ABCA12: variants seen among roughly 807,000 people sequenced by gnomAD.
The protein encoded by ABCA12 is ATP binding cassette subfamily A member 12.
In ABCA12, 156 loss-of-function variants were observed where a neutral mutation model predicts 293.5. The observed-to-expected ratio is 0.53, with a 90% CI of 0.47 to 0.61. The LOEUF (loss-of-function observed/expected upper bound fraction) is 0.61, where lower values mean the gene tolerates loss of function less well. ABCA12 is among the 20% of genes least tolerant of loss of function. The pLI is 0.00. For missense variants in ABCA12, 2,797 were observed against 3,090.2 expected (o/e 0.91, Z 2.25); for synonymous variants, 1,063 against 1,108.0 (o/e 0.96, Z 0.81).
At chr2:215,035,118 G>A (rs1379582579) in intron 8 of ABCA12, among the ~76,000 whole-genome samples, 1 of 152,154 alleles carries the variant, frequency 6.6e-6, no homozygotes, top group Non-Finnish European at 1.5e-5. Flanking sequence ...ACAAGTTTAA[G>A]TTCCCTGAAA....
chr2:215,057,813 A>G (rs1701449637), intron 3 of ABCA12, among the ~76,000 whole-genome samples: 2 of 151,982 alleles, frequency 1.3e-5, no homozygotes, highest in African/African-American at 2.4e-5. Context: ...CCTGCTCTCC[A>G]TTGTTGCATA....
intron 1 of ABCA12, among the ~76,000 whole-genome samples, chr2:215,120,488 A>T (rs1333427671): frequency 6.6e-6 from 1 of 152,188 alleles, no homozygotes; most frequent in African/African-American, 2.4e-5. Context: ...AGTCTAAAAC[A>T]CGAAGGATGA....
At chr2:215,045,343 G>A (rs1270474440) in intron 7 of ABCA12, among the ~76,000 whole-genome samples, 1 of 152,124 alleles carries the variant, frequency 6.6e-6, no homozygotes, top group Non-Finnish European at 1.5e-5. Context: ...GGCTTGGAAA[G>A]GTCATTTCTA....
At chr2:215,050,308 A>G (rs1203913948) in intron 5 of ABCA12, among the ~76,000 whole-genome samples, 4 of 151,812 alleles carry the variant, frequency 2.6e-5, no homozygotes, top group African/African-American at 9.7e-5. Context: ...AGATTGCTTC[A>G]TTTGCAAAGC....
chr2:215,109,474 A>G (rs1232273787), intron 2 of ABCA12, among the ~76,000 whole-genome samples: 4 of 152,204 alleles, frequency 2.6e-5, no homozygotes, highest in Non-Finnish European at 5.9e-5. Flanking sequence ...AGAGACTAAC[A>G]AACATACTTT....
At chr2:215,130,121 C>T (rs1703021043) in intron 1 of ABCA12, among the ~76,000 whole-genome samples, 1 of 152,116 alleles carries the variant, frequency 6.6e-6, no homozygotes, top group Admixed American at 6.6e-5. Flanking sequence ...GTTTTAGTTA[C>T]CATAGCCTTG....
At chr2:214,954,843 C>G (rs1698893845) in intron 43 of ABCA12, among the ~76,000 whole-genome samples, 1 of 152,186 alleles carries the variant, frequency 6.6e-6, no homozygotes, top group South Asian at 2.1e-4. Context: ...TCAAAGCTCA[C>G]AGTCATATAA....
chr2:215,096,107 G>A (rs1336392555), intron 2 of ABCA12, among the ~76,000 whole-genome samples: 6 of 152,144 alleles, frequency 3.9e-5, no homozygotes, highest in Non-Finnish European at 8.8e-5. Flanking sequence ...TTAATCTTGG[G>A]CAAGTTACCT....
At chr2:215,048,328 C>T (rs1029943944) in intron 6 of ABCA12, among the ~76,000 whole-genome samples, 1 of 152,028 alleles carries the variant, frequency 6.6e-6, no homozygotes, top group Non-Finnish European at 1.5e-5. Flanking sequence ...ATATACCCAG[C>T]AGAATATAAA....
chr2:214,958,425 G>A lies in ABCA12; in HGVS notation c.5969C>T (p.Ala1990Val). The change falls in exon 41 of 53, where the codon GCA becomes GTA. Residue 1990 changes from alanine (A) to valine (V), a missense_variant. By Grantham distance (64) the Ala-to-Val change is moderately conservative. Coordinates refer to ENST00000272895, the MANE Select transcript of ABCA12 (RefSeq NM_173076.3). ...AGAGTAGCCCATCAAGATAGACAGT[G>A]CCACTAAAATATCGATTAAACTGCT... The part of the protein sequence containing the change: ...TISSLIDILV[A>V]LSILMGYSVT... 1 of 1,613,888 alleles carries A rather than the reference G, an allele frequency of 6.2e-7. No homozygotes were observed. Among genetic ancestry groups the A allele is most frequent in the Non-Finnish European group, 8.5e-7 (1 of 1,179,874 alleles).
chr2:215,136,631 A>G (rs1703234394), intron 1 of ABCA12, among the ~76,000 whole-genome samples: 1 of 152,156 alleles, frequency 6.6e-6, no homozygotes, highest in African/African-American at 2.4e-5. Flanking sequence ...TCTTCCTTTT[A>G]CCCACAGTAT....
intron 2 of ABCA12, among the ~76,000 whole-genome samples, chr2:215,098,054 G>A (rs1702283436): frequency 6.6e-6 from 1 of 152,134 alleles, no homozygotes; most frequent in Admixed American, 6.5e-5. Context: ...GTTTTCACAG[G>A]AGTTAGGTTC....
chr2:215,000,082 G>T (rs958091185), intron 22 of ABCA12, among the ~76,000 whole-genome samples: 18 of 152,250 alleles, frequency 1.2e-4, no homozygotes, highest in African/African-American at 4.1e-4. Context: ...TACCCAACTG[G>T]CAGATTTCTC....
At chr2:215,033,545 G>A (rs954014602) in intron 8 of ABCA12, among the ~76,000 whole-genome samples, 13 of 152,104 alleles carry the variant, frequency 8.5e-5, no homozygotes, top group African/African-American at 2.7e-4. Flanking sequence ...TATATTGAGA[G>A]AAATACTATA....
At chr2:214,933,026 T>TGTATTC (rs1170350421) in intron 52 of ABCA12, among the ~76,000 whole-genome samples, 1 of 152,176 alleles carries the variant, frequency 6.6e-6, no homozygotes, top group Non-Finnish European at 1.5e-5. Flanking sequence ...CATAGTTGAC[T>TGTATTC]ATCTGTAGCC....
chr2:215,033,738 G>A (rs892884159), intron 8 of ABCA12, among the ~76,000 whole-genome samples: 1 of 151,996 alleles, frequency 6.6e-6, no homozygotes, highest in Non-Finnish European at 1.5e-5. Flanking sequence ...TCAGGAGATC[G>A]AGATCATCCT....
intron 14 of ABCA12, among the ~76,000 whole-genome samples, chr2:215,016,004 C>T (rs1333208851): frequency 6.6e-6 from 1 of 151,598 alleles, no homozygotes; most frequent in African/African-American, 2.4e-5. Flanking sequence ...ATTAGCCGGG[C>T]GTGGTGGCGG....
chr2:214,986,590 T>G lies in ABCA12; in HGVS notation c.4115A>C (p.His1372Pro), dbSNP rs1159697608. The change falls in exon 28 of 53, where the codon CAT (histidine) becomes CCT (proline). Residue 1372 changes from histidine (H) to proline (P), a missense_variant. By Grantham distance (77) the His-to-Pro change is moderately conservative (BLOSUM62 -2). This residue lies in a region of ABCA12 where 2,130 missense variants were observed against 2,427.0 expected (regional missense o/e 0.88). Transcript: ENST00000272895. Reference sequence around the variant, plus strand: ...ATTGGGCCCCAGCAATGAAGTAATATGCCCTTCATAAAAGTTCAGATTGAG... The same window carrying G: ...ATTGGGCCCCAGCAATGAAGTAATAGGCCCTTCATAAAAGTTCAGATTGAG... Reference protein sequence around the residue: ...DNLNLNFYEGHITSLLGPNGA... With the variant: ...DNLNLNFYEGPITSLLGPNGA... The G allele has an allele frequency of 1.2e-6, 2 of 1,614,128 alleles. No individual in the cohort carries two copies. The highest frequency in any genetic ancestry group is 8.5e-7 in the Non-Finnish European group (1 of 1,179,994).
chr2:214,961,952 A>G (rs561624736), intron 39 of ABCA12: 3 of 152,336 alleles, frequency 2.0e-5, no homozygotes, highest in South Asian at 2.1e-4. Context: ...ATGATGCCCA[A>G]CAGTAGGAAG....
Sources: gnomAD v4.1 joint callset for allele counts (sites outside exome capture counted in the v4.1 genomes callset) on GRCh38, gnomAD v4.1.1 for gene constraint, gnomAD v4.1.1 regional missense constraint, MANE v1.5 for transcripts, NCBI Gene and HGNC (gene_info 2026-07-23, HGNC 2026-07-21) for gene names.